The following PRPSAP1 variants were observed in gnomAD, a reference collection of about 807,000 sequenced individuals.
The protein encoded by PRPSAP1 is phosphoribosyl pyrophosphate synthase-associated protein 1.
In PRPSAP1, 31 loss-of-function variants were observed where a neutral mutation model predicts 39.4. The ratio of observed to expected loss-of-function variants is 0.79; its 90% CI spans 0.59 to 1.06. The LOEUF (loss-of-function observed/expected upper bound fraction) is 1.06. Among genes scored for constraint, PRPSAP1 ranks in the 50% least tolerant of loss-of-function variants. The pLI is 0.00. For synonymous variants in PRPSAP1, 212 were observed against 192.6 expected (o/e 1.10, Z -0.83); for missense variants, 430 against 511.6 (o/e 0.84, Z 1.54).
intron 7 of PRPSAP1, among the ~76,000 whole-genome samples, chr17:76,327,176 T>G (rs1473763765): frequency 1.3e-5 from 2 of 150,966 alleles, no homozygotes; most frequent in Non-Finnish European, 2.9e-5. Flanking sequence ...GGTAAAACCC[T>G]GTCTCTACTA....
chr17:76,321,112 C>T (rs546548044), intron 7 of PRPSAP1, among the ~76,000 whole-genome samples: 5 of 152,168 alleles, frequency 3.3e-5, no homozygotes, highest in Non-Finnish European at 4.4e-5. Flanking sequence ...AGCATGTGCT[C>T]GTTTCATGTT....
At chr17:76,324,957 A>G (rs1446591094) in intron 7 of PRPSAP1, among the ~76,000 whole-genome samples, 1 of 151,260 alleles carries the variant, frequency 6.6e-6, no homozygotes, top group Admixed American at 6.6e-5. Flanking sequence ...AGTCCCAGCT[A>G]CTTGGGAGGC....
At chr17:76,320,126 C>T (rs1349493638) in intron 7 of PRPSAP1, among the ~76,000 whole-genome samples, 2 of 151,772 alleles carry the variant, frequency 1.3e-5, no homozygotes, top group Non-Finnish European at 2.9e-5. Flanking sequence ...AAAAATTAGC[C>T]GGGTGTGGTG....
intron 8 of PRPSAP1, 135 bp from the exon 9 acceptor site, chr17:76,313,151 G>T: frequency 8.6e-7 from 1 of 1,165,376 alleles, no homozygotes. Context: ...GTGTGCCTGG[G>T]TCAAAGAACG....
chr17:76,335,856 C>T (rs1314105876), intron 3 of PRPSAP1, among the ~76,000 whole-genome samples: 1 of 152,076 alleles, frequency 6.6e-6, no homozygotes, highest in Non-Finnish European at 1.5e-5. Context: ...CAGCCAGGCA[C>T]GGTGGTGCTC....
chr17:76,312,790 T>G (rs1391817038), intron 9 of PRPSAP1, 80 bp downstream of exon 9: 151 of 1,517,116 alleles, frequency 1.0e-4, no homozygotes, highest in Non-Finnish European at 1.3e-4. Context: ...GATTAAGCAA[T>G]TTAGTATTGA....
chr17:76,351,463 C>T (rs1467196311), intron 1 of PRPSAP1, among the ~76,000 whole-genome samples: 1 of 151,912 alleles, frequency 6.6e-6, no homozygotes, highest in Non-Finnish European at 1.5e-5. Flanking sequence ...TGCAGTGAGC[C>T]GAGATCGCGC....
intron 7 of PRPSAP1, among the ~76,000 whole-genome samples, chr17:76,316,174 T>TA (rs1377721818): frequency 0.1 from 7,327 of 73,092 alleles, 490 homozygotes; most frequent in African/African-American, 0.21. Flanking sequence ...AGACTCCGTC[T>TA]AAAAAAAAAA....
At chr17:76,329,225 C>T (rs1670561908) in intron 6 of PRPSAP1, among the ~76,000 whole-genome samples, 1 of 152,018 alleles carries the variant, frequency 6.6e-6, no homozygotes, top group Admixed American at 6.6e-5. Flanking sequence ...CATGTGTTGC[C>T]ACAACTGGCT....
chr17:76,317,114 A>C (rs1236048998), intron 7 of PRPSAP1, among the ~76,000 whole-genome samples: 13 of 152,268 alleles, frequency 8.5e-5, no homozygotes, highest in Admixed American at 8.5e-4. Flanking sequence ...CTGTGATCCC[A>C]GCACTTTGGC....
intron 7 of PRPSAP1, among the ~76,000 whole-genome samples, chr17:76,317,785 CCT>C (rs1312228650): frequency 2.0e-5 from 3 of 152,138 alleles, no homozygotes; most frequent in Non-Finnish European, 1.5e-5. Flanking sequence ...ACTTTTCACC[CCT>C]GTGGCAAATG....
intron 3 of PRPSAP1, among the ~76,000 whole-genome samples, chr17:76,340,101 G>A (rs1169158153): frequency 2.0e-5 from 3 of 147,864 alleles, no homozygotes; most frequent in African/African-American, 5.1e-5. Context: ...AGCCGAGATC[G>A]TGCCACTGCA....
At position 76,320,286 on chromosome 17, in the gene PRPSAP1, G is replaced by A. The variant is rs1227495110; in HGVS notation, c.782-6395C>T. Among the ~76,000 whole-genome samples the A allele has an allele frequency of 9.4e-5, 4 of 42,758 alleles. No individual in the cohort carries two copies. In the African/African-American group the frequency reaches 1.3e-3, roughly 14 times the overall value. The allele number at this position is 42,758 out of a possible 152,430, so 28.1% of individuals were successfully genotyped here. On this transcript the variant is annotated intron_variant, in intron 7 of 9. Coordinates refer to ENST00000446526, the MANE Select transcript of PRPSAP1 (RefSeq NM_002766.3). ...AAAGAAAAGAAAGAAAGAAAGAAAA[G>A]AAAGAAAGAAAGAAAAGAAAGGAAG...
intron 6 of PRPSAP1, 161 bp from the exon 7 acceptor site, chr17:76,329,023 T>C: frequency 1.2e-6 from 1 of 849,690 alleles, no homozygotes; most frequent in Non-Finnish European, 1.7e-6. Context: ...AGCATGTAAA[T>C]GACTCAAAGG....
In PRPSAP1 at chr17:76,353,824, G is replaced by A; in HGVS notation, c.-121C>T. The stretch of plus-strand genomic sequence containing the variant: ...GAGAAACTCGGCGCAAGCGGGGAGA[G>A]CTCCGAGGTCCGTGCCCTTGCGCAC... On this transcript the variant is annotated 5_prime_UTR_variant, in exon 1 of 10. Transcript: ENST00000446526. The A allele has an allele frequency of 7.2e-7, 1 of 1,384,012 alleles. No homozygotes were observed. The highest frequency in any genetic ancestry group is 9.3e-7 in the Non-Finnish European group (1 of 1,077,294). 85.7% of individuals were successfully genotyped at this position (1,384,012 alleles called of 1,614,324 possible). A position where few individuals can be genotyped will look rare whatever the true frequency, so the allele number is the denominator to read the frequency against.
intron 7 of PRPSAP1, among the ~76,000 whole-genome samples, chr17:76,317,205 C>T (rs958854777): frequency 8.5e-5 from 13 of 152,156 alleles, no homozygotes; most frequent in Non-Finnish European, 1.5e-4. Context: ...TAAAAATTAG[C>T]CAGGCGTGGT....
chr17:76,352,644 CAAA>C (rs55986677), intron 1 of PRPSAP1, among the ~76,000 whole-genome samples: 1,638 of 53,394 alleles, frequency 0.031, 15 homozygotes, highest in African/African-American at 0.091. Context: ...GACTCCGTCT[CAAA>C]AAAAAAAAAA....
intron 3 of PRPSAP1, among the ~76,000 whole-genome samples, chr17:76,333,850 G>GCATTCATTCATT (rs58262193): frequency 3.3e-5 from 5 of 151,398 alleles, no homozygotes; most frequent in South Asian, 2.1e-4. Flanking sequence ...TGTAGACTCT[G>GCATTCATTCATT]CATTCATTCA....
chr17:76,345,182 C>T (rs561072922), intron 2 of PRPSAP1, among the ~76,000 whole-genome samples: 2 of 142,026 alleles, frequency 1.4e-5, no homozygotes, highest in African/African-American at 5.2e-5. Context: ...TTGCAGTGAG[C>T]CGAGATCGCG....
Sources: allele counts gnomAD v4.1 joint callset (sites outside exome capture counted in the v4.1 genomes callset), GRCh38; gene constraint gnomAD v4.1.1; transcripts MANE v1.5; gene names NCBI Gene and HGNC (gene_info 2026-07-23, HGNC 2026-07-21).